The following RAB3B variants were observed in gnomAD, a reference collection of about 807,000 sequenced individuals.
RAB3B encodes RAB3B, member RAS oncogene family.
RAB3B carries 11 observed loss-of-function variants against 20.5 expected under a neutral mutation model. The observed-to-expected ratio is 0.54, with a 90% confidence interval of 0.34 to 0.89. The LOEUF (loss-of-function observed/expected upper bound fraction) is 0.89, where lower values mean the gene tolerates loss of function less well. Among genes scored for constraint, RAB3B ranks in the 40% least tolerant of loss-of-function variants. RAB3B has a pLI of 0.02. For synonymous variants in RAB3B, 99 were observed against 106.3 expected (o/e 0.93, Z 0.42); for missense variants, 225 against 280.9 (o/e 0.80, Z 1.42).
chr1:51,918,270 C>T lies in RAB3B; in HGVS notation c.*1657G>A, dbSNP rs561464006. On this transcript the variant is annotated 3_prime_UTR_variant, in exon 5 of 5. Transcript: ENST00000371655. ...TCTCAATTTTTTCAGAGTCATGCCACCTTAAGATTTATTTTGCTTTGAATC... is the reference window on the plus strand; with the variant it reads ...TCTCAATTTTTTCAGAGTCATGCCATCTTAAGATTTATTTTGCTTTGAATC... The T allele has an allele frequency of 5.9e-5, 9 of 152,094 alleles. No homozygotes were observed. The highest frequency in any genetic ancestry group is 1.3e-4 in the Non-Finnish European group (9 of 68,030). 9.4% of individuals were successfully genotyped at this position (152,094 alleles called of 1,614,324 possible). A position where few individuals can be genotyped will look rare whatever the true frequency, so the allele number is the denominator to read the frequency against.
rs555930714 is a variant in RAB3B at position 51,916,667 on chromosome 1, G to C, written c.*3260C>G. On this transcript the variant is annotated 3_prime_UTR_variant, in exon 5 of 5. Coordinates refer to ENST00000371655, the MANE Select transcript of RAB3B (RefSeq NM_002867.4). ...GGAGCATGGAGGCTCCTGCTGATTGGGAGCCTGATAAGTGTTGCCTGGCAG... is the reference window on the plus strand; with the variant it reads ...GGAGCATGGAGGCTCCTGCTGATTGCGAGCCTGATAAGTGTTGCCTGGCAG... The C allele has an allele frequency of 2.6e-4, 39 of 152,334 alleles. No homozygotes were observed. Among genetic ancestry groups the C allele is most frequent in the Non-Finnish European group, 5.6e-4 (38 of 68,036 alleles). 9.4% of individuals were successfully genotyped at this position (152,334 alleles called of 1,614,324 possible).
At chr1:51,946,621 T>G (rs1302681265) in intron 2 of RAB3B, among the ~76,000 whole-genome samples, 1 of 152,218 alleles carries the variant, frequency 6.6e-6, no homozygotes, top group African/African-American at 2.4e-5. Flanking sequence ...CTGCTCAGTG[T>G]GGCAGACAGA....
At chr1:51,973,426 C>T (rs540455631) in intron 2 of RAB3B, 1 of 148,182 alleles carries the variant, frequency 6.7e-6, no homozygotes, top group Non-Finnish European at 1.5e-5. Context: ...GGCTATACCA[C>T]CCTGAACGCG....
chr1:51,967,742 C>T (rs1259693501), intron 2 of RAB3B, among the ~76,000 whole-genome samples: 1 of 151,578 alleles, frequency 6.6e-6, no homozygotes, highest in Non-Finnish European at 1.5e-5. Flanking sequence ...GGTCTCACTC[C>T]TGAGCTCAAG....
At chr1:51,928,962 T>C (rs562034110) in intron 4 of RAB3B, among the ~76,000 whole-genome samples, 2 of 152,340 alleles carry the variant, frequency 1.3e-5, no homozygotes, top group East Asian at 3.9e-4. Context: ...TTCATAGCAC[T>C]TGTGGTGGAC....
chr1:51,962,271 G>A (rs932293796), intron 2 of RAB3B, among the ~76,000 whole-genome samples: 8 of 152,200 alleles, frequency 5.3e-5, no homozygotes, highest in African/African-American at 9.7e-5. Flanking sequence ...ATGAAAGCCC[G>A]TGCCACTGTC....
chr1:51,972,409 A>G (rs1684949617), intron 2 of RAB3B, among the ~76,000 whole-genome samples: 1 of 151,340 alleles, frequency 6.6e-6, no homozygotes, highest in Non-Finnish European at 1.5e-5. Flanking sequence ...CTGAATGTCT[A>G]TGTCCTCCCA....
intron 4 of RAB3B, among the ~76,000 whole-genome samples, chr1:51,924,715 T>A (rs1031342466): frequency 1.3e-4 from 20 of 152,208 alleles, no homozygotes; most frequent in African/African-American, 4.6e-4. Context: ...CTCATGGGTC[T>A]AGCCAGCTCA....
At chr1:51,977,209 T>G in intron 1 of RAB3B, 92 bp from the exon 2 acceptor site, 1 of 899,120 alleles carries the variant, frequency 1.1e-6, no homozygotes, top group South Asian at 1.5e-5. Flanking sequence ...ATTCACACAC[T>G]CACTCCTTAC....
intron 2 of RAB3B, 131 bp from the exon 3 acceptor site, chr1:51,937,543 G>A (rs1286203106): frequency 5.6e-6 from 3 of 534,514 alleles, no homozygotes; most frequent in South Asian, 4.7e-5. Context: ...TGTTGCCCAG[G>A]CTGGAGTGCC....
At chr1:51,953,844 A>T (rs1684672534) in intron 2 of RAB3B, among the ~76,000 whole-genome samples, 1 of 152,238 alleles carries the variant, frequency 6.6e-6, no homozygotes, top group Non-Finnish European at 1.5e-5. Context: ...ATAAATATAC[A>T]GATGATTTAT....
chr1:51,920,473 C>T (rs1684157350), intron 4 of RAB3B, among the ~76,000 whole-genome samples: 1 of 151,110 alleles, frequency 6.6e-6, no homozygotes, highest in South Asian at 2.1e-4. Context: ...ATATATAACC[C>T]TGTGCCTGAC....
chr1:51,939,752 T>C (rs1271834878), intron 2 of RAB3B, among the ~76,000 whole-genome samples: 1 of 152,174 alleles, frequency 6.6e-6, no homozygotes, highest in Non-Finnish European at 1.5e-5. Flanking sequence ...TTTTTTTTAC[T>C]TTTGTAGAGA....
At chr1:51,935,996 G>A (rs2124253858) in intron 3 of RAB3B, among the ~76,000 whole-genome samples, 1 of 152,236 alleles carries the variant, frequency 6.6e-6, no homozygotes, top group South Asian at 2.1e-4. Context: ...AGCCCACAAG[G>A]TCACTCTCAG....
Position 51,947,656 on chromosome 1 carries a change from T to A in RAB3B, c.229-10244A>T, listed in dbSNP as rs138399013. On this transcript the variant is annotated intron_variant, in intron 2 of 4. Coordinates refer to ENST00000371655, the MANE Select transcript of RAB3B (RefSeq NM_002867.4). Reference sequence around the variant, plus strand: ...CCAACACACACTCTTCATTTCTTCGTAAAGTTTTCCACACGGTCGTCACAC... The same window carrying A: ...CCAACACACACTCTTCATTTCTTCGAAAAGTTTTCCACACGGTCGTCACAC... Among the ~76,000 whole-genome samples, 1,175 of 152,276 alleles carry A rather than the reference T, an allele frequency of 7.7e-3. 5 individuals are homozygous for A. Among genetic ancestry groups the A allele is most frequent in the Non-Finnish European group, 0.012 (848 of 68,026 alleles).
rs138439533 is a variant in RAB3B, at chr1:51,931,586, A to C, written c.472+1732T>G. Among the ~76,000 whole-genome samples the C allele has an allele frequency of 1.2e-3, 184 of 152,292 alleles. 3 individuals are homozygous for C. In the East Asian group the frequency reaches 0.022, roughly 19 times the overall value. ...TTTTGCATCCTCCGTGCCCGGCCAT[A>C]TGCTAGGCACAGTAGGCACAAAGAC... On this transcript the variant is annotated intron_variant, in intron 4 of 4. Coordinates refer to ENST00000371655, the MANE Select transcript of RAB3B (RefSeq NM_002867.4).
intron 3 of RAB3B, among the ~76,000 whole-genome samples, chr1:51,935,954 A>G (rs960807633): frequency 6.6e-6 from 1 of 152,170 alleles, no homozygotes; most frequent in Non-Finnish European, 1.5e-5. Flanking sequence ...GACACCCTGA[A>G]CTGCTGGTCA....
rs895501646 is a variant in RAB3B, at chr1:51,919,138, C to T, written c.*789G>A. 5 of 151,654 alleles carry T rather than the reference C, an allele frequency of 3.3e-5. No individual in the cohort carries two copies. Among genetic ancestry groups the T allele is most frequent in the African/African-American group, 7.3e-5 (3 of 41,262 alleles). The allele number at this position is 151,654 out of a possible 1,614,324, so 9.4% of individuals were successfully genotyped here. ...AGCTGGGACTACAGGCGCCCGCCAC[C>T]GCGCCCGGCTAATTTTTTGTATTTT... On this transcript the variant is annotated 3_prime_UTR_variant, in exon 5 of 5. Transcript: ENST00000371655.
chr1:51,917,579 C>T lies in RAB3B; in HGVS notation c.*2348G>A, dbSNP rs1684105622. 6.6e-6 allele frequency: 1 copy of T among 152,218 alleles called. No individual in the cohort carries two copies. Among genetic ancestry groups the T allele is most frequent in the African/African-American group, 2.4e-5 (1 of 41,542 alleles). 9.4% of individuals were successfully genotyped at this position (152,218 alleles called of 1,614,324 possible). ...AGAAAGAGAGACAGAGAGACAGGGT[C>T]TTATTCTTACTCTGTCACCCAGACT... On this transcript the variant is annotated 3_prime_UTR_variant, in exon 5 of 5. Transcript: ENST00000371655.
Sources: allele counts gnomAD v4.1 joint callset (sites outside exome capture counted in the v4.1 genomes callset), GRCh38; gene constraint gnomAD v4.1.1; transcripts MANE v1.5; gene names NCBI Gene and HGNC (gene_info 2026-07-23, HGNC 2026-07-21).